Variants in NRG1 observed in about 807,000 individuals in gnomAD.
NRG1 encodes the protein pro-neuregulin-1, membrane-bound isoform.
A neutral mutation model predicts 63.8 loss-of-function variants in NRG1; 18 were observed. That is an observed-to-expected ratio of 0.28 (90% CI 0.19 to 0.42). The LOEUF (loss-of-function observed/expected upper bound fraction) is 0.42. NRG1 is among the 10% of genes least tolerant of loss of function. The probability of loss-of-function intolerance (pLI) is 1.00; values close to 1 mark genes in which losing one functional copy is unlikely to be tolerated. For synonymous variants in NRG1, 302 were observed against 301.3 expected (o/e 1.00, Z -0.02); for missense variants, 762 against 814.7 (o/e 0.94, Z 0.79).
At chr8:32,719,535 C>G (rs1006198391) in intron 5 of NRG1, among the ~76,000 whole-genome samples, 1 of 151,932 alleles carries the variant, frequency 6.6e-6, no homozygotes, top group Non-Finnish European at 1.5e-5. Flanking sequence ...ATGTTTGACA[C>G]ACATAAAAAT....
At chr8:32,040,750 C>CATATCTATATATATATAT (rs1819863716) in intron 1 of NRG1, among the ~76,000 whole-genome samples, 1 of 48,684 alleles carries the variant, frequency 2.1e-5, no homozygotes, top group African/African-American at 6.1e-5. Flanking sequence ...AATTTAGGCG[C>CATATCTATATATATATAT]ATATATATAT....
chr8:32,437,060 G>T (rs1818882272), intron 1 of NRG1, among the ~76,000 whole-genome samples: 1 of 151,922 alleles, frequency 6.6e-6, no homozygotes, highest in Non-Finnish European at 1.5e-5. Flanking sequence ...ATTGTGTGGG[G>T]ATCAATGGGA....
At chr8:31,758,483 A>T (rs1454744644) in intron 1 of NRG1, among the ~76,000 whole-genome samples, 1 of 152,188 alleles carries the variant, frequency 6.6e-6, no homozygotes, top group Non-Finnish European at 1.5e-5. Context: ...CATCAATGAT[A>T]CACTGAATAA....
intron 1 of NRG1, among the ~76,000 whole-genome samples, chr8:31,920,059 T>C (rs556519841): frequency 5.3e-5 from 8 of 152,274 alleles, no homozygotes; most frequent in African/African-American, 1.9e-4. Context: ...TAGTTATTAT[T>C]CCCTTGAGTA....
At chr8:32,403,727 A>C (rs1330864330) in intron 1 of NRG1, among the ~76,000 whole-genome samples, 3 of 152,196 alleles carry the variant, frequency 2.0e-5, no homozygotes, top group Non-Finnish European at 4.4e-5. Context: ...TTTTAATCAG[A>C]TCGACATCCT....
intron 1 of NRG1, among the ~76,000 whole-genome samples, chr8:31,795,510 C>T (rs1162817110): frequency 6.6e-6 from 1 of 152,130 alleles, no homozygotes; most frequent in Non-Finnish European, 1.5e-5. Context: ...TACTGAACTG[C>T]TTCTCCCTAT....
chr8:32,723,165 TG>T (rs796470017), intron 5 of NRG1, among the ~76,000 whole-genome samples: 9 of 152,318 alleles, frequency 5.9e-5, no homozygotes, highest in African/African-American at 2.2e-4. Context: ...TATCCATTTT[TG>T]CAGCTGAATT....
intron 1 of NRG1, among the ~76,000 whole-genome samples, chr8:31,861,483 A>G (rs1426818621): frequency 1.3e-5 from 2 of 152,164 alleles, no homozygotes; most frequent in East Asian, 3.9e-4. Flanking sequence ...TTGAAGAGGA[A>G]CAAGGAGAAG....
chr8:32,564,096 TCA>T (rs1453222608), intron 1 of NRG1, among the ~76,000 whole-genome samples: 1 of 150,798 alleles, frequency 6.6e-6, no homozygotes, highest in African/African-American at 2.4e-5. Flanking sequence ...CCTTTTTAAA[TCA>T]GAGTCACCGA....
chr8:32,348,017 T>C (rs1414572791), intron 1 of NRG1, among the ~76,000 whole-genome samples: 1 of 152,220 alleles, frequency 6.6e-6, no homozygotes, highest in Non-Finnish European at 1.5e-5. Flanking sequence ...CTCTTTCTTC[T>C]CATCACTCTT....
intron 1 of NRG1, among the ~76,000 whole-genome samples, chr8:31,990,718 T>C (rs572873687): frequency 5.8e-4 from 88 of 152,240 alleles, no homozygotes; most frequent in South Asian, 1.9e-3. Context: ...TTTTCTTCCT[T>C]TGTGGTCATT....
chr8:32,592,670 T>C (rs1842725497), intron 1 of NRG1, among the ~76,000 whole-genome samples: 1 of 152,066 alleles, frequency 6.6e-6, no homozygotes, highest in South Asian at 2.1e-4. Context: ...TGATAAAATG[T>C]TTATCAAAGG....
At chr8:32,343,417 C>A (rs1804328692) in intron 1 of NRG1, among the ~76,000 whole-genome samples, 2 of 152,076 alleles carry the variant, frequency 1.3e-5, no homozygotes, top group Admixed American at 1.3e-4. Flanking sequence ...AGTATGAAGT[C>A]CCATCTAGAC....
chr8:32,311,921 A>G (rs6982837), intron 1 of NRG1, among the ~76,000 whole-genome samples: 35,968 of 152,062 alleles, frequency 0.24, 4,967 homozygotes, highest in East Asian at 0.63. Context: ...GTGACCAACT[A>G]CTTCCTAAAG....
chr8:31,774,272 A>G (rs1443721761), intron 1 of NRG1, among the ~76,000 whole-genome samples: 1 of 152,104 alleles, frequency 6.6e-6, no homozygotes, highest in Admixed American at 6.5e-5. Context: ...ATTTATGATC[A>G]ACATGTAATC....
chr8:32,444,971 C>T (rs1439478318), intron 1 of NRG1, among the ~76,000 whole-genome samples: 1 of 152,182 alleles, frequency 6.6e-6, no homozygotes, highest in South Asian at 2.1e-4. Flanking sequence ...GCTGCCCTTA[C>T]ATGTAGTGGT....
intron 1 of NRG1, among the ~76,000 whole-genome samples, chr8:31,888,039 A>G (rs1478159634): frequency 6.6e-6 from 1 of 151,760 alleles, no homozygotes; most frequent in Non-Finnish European, 1.5e-5. Context: ...GATATGTTAC[A>G]TATCAATATA....
intron 1 of NRG1, among the ~76,000 whole-genome samples, chr8:32,469,638 T>C (rs1046523133): frequency 6.6e-6 from 1 of 152,106 alleles, no homozygotes; most frequent in African/African-American, 2.4e-5. Flanking sequence ...GAATGCCAGA[T>C]CCACAGTAAA....
At chr8:32,369,061 A>G (rs1235326591) in intron 1 of NRG1, among the ~76,000 whole-genome samples, 1 of 152,250 alleles carries the variant, frequency 6.6e-6, no homozygotes, top group Non-Finnish European at 1.5e-5. Context: ...CCTGTGTTCC[A>G]CTATTTTGGA....
Sources: gnomAD v4.1 joint callset for allele counts (sites outside exome capture counted in the v4.1 genomes callset) on GRCh38, gnomAD v4.1.1 for gene constraint, MANE v1.5 for transcripts, NCBI Gene and HGNC (gene_info 2026-07-23, HGNC 2026-07-21) for gene names.